EXD3: variants seen among roughly 807,000 people sequenced by gnomAD.
The protein encoded by EXD3 is exonuclease mut-7 homolog.
A neutral mutation model predicts 98.0 loss-of-function variants in EXD3; 92 were observed. The observed-to-expected ratio is 0.94, with a 90% CI of 0.79 to 1.12. The LOEUF (loss-of-function observed/expected upper bound fraction) is 1.12, where lower values mean the gene tolerates loss of function less well. EXD3 is among the 50% of genes most tolerant of loss of function. The probability of loss-of-function intolerance (pLI) is 0.00; values close to 1 mark genes in which losing one functional copy is unlikely to be tolerated. For missense variants in EXD3, 1,222 were observed against 1,191.6 expected (o/e 1.03, Z -0.38); for synonymous variants, 569 against 526.0 (o/e 1.08, Z -1.12).
At chr9:137,382,422 C>T (rs1014073933) in intron 3 of EXD3, among the ~76,000 whole-genome samples, 2 of 151,968 alleles carry the variant, frequency 1.3e-5, no homozygotes, top group Admixed American at 6.6e-5. Flanking sequence ...GGGAGGCTCA[C>T]ACCACACACG....
In EXD3 at chr9:137,351,967, GGCCTTGCCTCTCTCCGAATGCCAT is replaced by G. The variant is rs1834329893; in HGVS notation, c.1173+75_1173+98del. On this transcript the variant is annotated intron_variant, in intron 12 of 21. Coordinates refer to ENST00000340951, the MANE Select transcript of EXD3 (RefSeq NM_017820.5). The stretch of plus-strand genomic sequence containing the variant: ...GGCACCTGGCGGGCTCATGCCCAGA[GGCCTTGCCTCTCTCCGAATGCCAT>G]GCCCCTGATGCTCCTCCAGTGCCTG... The G allele has an allele frequency of 1.4e-5, 21 of 1,455,164 alleles. No individual in the cohort carries two copies. In the South Asian group the frequency reaches 2.7e-4, roughly 19 times the overall value. 90.1% of individuals were successfully genotyped at this position (1,455,164 alleles called of 1,614,324 possible).
At chr9:137,386,465 G>C (rs944626437) in intron 2 of EXD3, among the ~76,000 whole-genome samples, 1 of 151,882 alleles carries the variant, frequency 6.6e-6, no homozygotes, top group Admixed American at 6.5e-5. Context: ...CAGGTGGGCA[G>C]GGTCTGCCCC....
chr9:137,373,490 G>A lies in EXD3; in HGVS notation c.230C>T (p.Ala77Val), dbSNP rs530278474. 1.4e-5 allele frequency: 22 copies of A among 1,608,298 alleles called. No homozygotes were observed. The East Asian group carries it at 2.5e-4, about 18-fold the overall frequency. ...CTGCAGCTGGTGGGAGATCCAGGCCGCCAGGGAGGGGCCCTCTCCCCGCTG... is the reference window on the plus strand; with the variant it reads ...CTGCAGCTGGTGGGAGATCCAGGCCACCAGGGAGGGGCCCTCTCCCCGCTG... ...RGQRGEGPSL[A>V]AWISHQLQCW... Residue 77 changes from alanine to valine, a missense_variant, in exon 4 of 22, where the codon GCG (alanine) becomes GTG (valine). By Grantham distance (64) the Ala-to-Val change is moderately conservative. Transcript: ENST00000340951.
intron 2 of EXD3, among the ~76,000 whole-genome samples, chr9:137,390,431 CCA>C (rs775779494): frequency 1.2e-4 from 13 of 109,872 alleles, no homozygotes; most frequent in African/African-American, 1.0e-4. Context: ...GATTCTGTTG[CCA>C]AAAAAAAAAA....
intron 1 of EXD3, among the ~76,000 whole-genome samples, chr9:137,409,594 G>A (rs958437889): frequency 2.0e-5 from 3 of 151,910 alleles, no homozygotes; most frequent in Non-Finnish European, 4.4e-5. Context: ...GGCATGCGGC[G>A]TGTAGGGAGG....
intron 7 of EXD3, among the ~76,000 whole-genome samples, chr9:137,364,224 A>G (rs1394257901): frequency 1.3e-5 from 2 of 152,096 alleles, no homozygotes; most frequent in East Asian, 3.8e-4. Context: ...TCAGCGGAGA[A>G]TGGCATTTGG....
intron 19 of EXD3, among the ~76,000 whole-genome samples, chr9:137,322,112 G>A (rs1395542945): frequency 6.6e-6 from 1 of 152,190 alleles, no homozygotes; most frequent in African/African-American, 2.4e-5. Context: ...GGCTTCTGTT[G>A]CCCAGACCTT....
Position 137,366,695 on chromosome 9 carries a change from C to T in EXD3, c.517-63G>A. ...ACCTCAGCCAAAACCTGACTCACCT[C>T]CAACCCAGAGGGAGCGGCCAAAGTG... On this transcript the variant is annotated intron_variant, in intron 6 of 21. Transcript: ENST00000340951. 4.0e-6 allele frequency: 6 copies of T among 1,518,194 alleles called. No individual in the cohort carries two copies. Among genetic ancestry groups the T allele is most frequent in the Non-Finnish European group, 5.3e-6 (6 of 1,128,560 alleles). 94.0% of individuals were successfully genotyped at this position (1,518,194 alleles called of 1,614,324 possible).
intron 3 of EXD3, among the ~76,000 whole-genome samples, chr9:137,377,947 C>T (rs1489010233): frequency 6.6e-6 from 1 of 151,184 alleles, no homozygotes; most frequent in East Asian, 2.0e-4. Context: ...GTGCAGGCCA[C>T]CACGCCTGGC....
chr9:137,408,575 G>A (rs967301008), intron 1 of EXD3, among the ~76,000 whole-genome samples: 4 of 115,116 alleles, frequency 3.5e-5, no homozygotes, highest in African/African-American at 1.4e-4. Context: ...AGAGGGCTCT[G>A]GGGGAGACAG....
intron 7 of EXD3, among the ~76,000 whole-genome samples, chr9:137,362,686 G>T (rs962567037): frequency 1.3e-5 from 2 of 151,980 alleles, no homozygotes; most frequent in African/African-American, 4.8e-5. Flanking sequence ...AACTTGGGTT[G>T]TTCATTTTCT....
chr9:137,310,186 G>C (rs766850524), intron 19 of EXD3, among the ~76,000 whole-genome samples: 1 of 152,232 alleles, frequency 6.6e-6, no homozygotes. Context: ...AGTGGCGAGG[G>C]GGCTGGAGCA....
chr9:137,324,244 GC>G lies in EXD3; in HGVS notation c.1999-102del. On this transcript the variant is annotated intron_variant, in intron 17 of 21. Transcript: ENST00000340951. This position sits in a 1 kb window ranked among gnomAD's most constrained non-coding sequence, Gnocchi z 4.1. ...CCCTAGCTCCCCGGATCGTGGCCCT[GC>G]CCCAGGCCCCTTTTGTCCTCCAGGG... The G allele has an allele frequency of 2.0e-6, 2 of 1,008,478 alleles. No individual in the cohort carries two copies. The highest frequency in any genetic ancestry group is 1.6e-5 in the African/African-American group (1 of 62,474). 62.5% of individuals were successfully genotyped at this position (1,008,478 alleles called of 1,614,324 possible).
chr9:137,353,728 C>A (rs1185516930), intron 10 of EXD3: 2 of 985,508 alleles, frequency 2.0e-6, no homozygotes, highest in Non-Finnish European at 2.4e-6. Context: ...TCCTGGAGTC[C>A]ATGGGTCCAG....
Position 137,371,096 on chromosome 9 carries a change from AC to A in EXD3, c.462+1808del, listed in dbSNP as rs1353556688. Among the ~76,000 whole-genome samples, 1 of 151,660 alleles carries A rather than the reference AC, an allele frequency of 6.6e-6. No homozygotes were observed. The highest frequency in any genetic ancestry group is 6.6e-5 in the Admixed American group (1 of 15,244). On this transcript the variant is annotated intron_variant, in intron 5 of 21. Transcript: ENST00000340951. This position sits in a 1 kb window ranked among gnomAD's most constrained non-coding sequence, Gnocchi z 8.0. ...GCAGAAGGGGCCTGTGCGGGACAAG[AC>A]CCCCTTTGTGTGGGGATTCCTGCCT... is the stretch of plus-strand genomic sequence containing the variant.
intron 19 of EXD3, among the ~76,000 whole-genome samples, chr9:137,318,596 C>T (rs968064549): frequency 3.3e-5 from 5 of 152,210 alleles, no homozygotes; most frequent in South Asian, 2.1e-4. Context: ...CCATGGTAGA[C>T]GGCACTGGGA....
At chr9:137,406,462 C>T (rs1837719298) in intron 1 of EXD3, among the ~76,000 whole-genome samples, 1 of 152,154 alleles carries the variant, frequency 6.6e-6, no homozygotes, top group Non-Finnish European at 1.5e-5. Flanking sequence ...GAGGCCCTGA[C>T]AGGAGGCCGC....
At position 137,385,497 on chromosome 9, in the gene EXD3, G is replaced by A. The variant is rs962276399; in HGVS notation, c.56-2120C>T. On this transcript the variant is annotated intron_variant, in intron 2 of 21. Transcript: ENST00000340951. The surrounding 1 kb of genome is among the most constrained non-coding windows in gnomAD (Gnocchi z 4.4). The stretch of plus-strand genomic sequence containing the variant: ...CTGCGTTCCTTCCTACACATGGGTT[G>A]CACTTCACAATAAACAAAAGAGACT... Among the ~76,000 whole-genome samples the A allele has an allele frequency of 6.6e-6, 1 of 152,182 alleles. No individual in the cohort carries two copies. The highest frequency in any genetic ancestry group is 2.4e-5 in the African/African-American group (1 of 41,470).
In EXD3 at chr9:137,356,387, A is replaced by T. The variant is rs1471312632; in HGVS notation, c.657-19T>A. ...GTACCGTCTGTGGGGAGAGAGAGGC[A>T]CAGCCTCTGTTGCTGTTTTAAGTTA... On this transcript the variant is annotated intron_variant, in intron 7 of 21. Transcript: ENST00000340951. 16 of 1,442,482 alleles carry T rather than the reference A, an allele frequency of 1.1e-5. No homozygotes were observed. Among genetic ancestry groups the T allele is most frequent in the African/African-American group, 1.4e-5 (1 of 71,546 alleles). 89.4% of individuals were successfully genotyped at this position (1,442,482 alleles called of 1,614,324 possible). A position where few individuals can be genotyped will look rare whatever the true frequency, so the allele number is the denominator to read the frequency against.
Sources: allele counts gnomAD v4.1 joint callset (sites outside exome capture counted in the v4.1 genomes callset), GRCh38; gene constraint gnomAD v4.1.1; non-coding constraint Gnocchi (gnomAD v3.1); transcripts MANE v1.5; gene names NCBI Gene and HGNC (gene_info 2026-07-23, HGNC 2026-07-21).